PDZD2: variants seen among roughly 807,000 people sequenced by gnomAD.
PDZD2 encodes the protein PDZ domain containing 2, also known as PDZ domain-containing protein 2.
PDZD2 carries 90 observed loss-of-function variants against 220.7 expected under a neutral mutation model. That is an observed-to-expected ratio of 0.41 (90% CI 0.34 to 0.49). The LOEUF (loss-of-function observed/expected upper bound fraction) is 0.49, where lower values mean the gene tolerates loss of function less well. Among genes scored for constraint, PDZD2 ranks in the 20% least tolerant of loss-of-function variants. The probability of loss-of-function intolerance (pLI) is 0.28; values close to 1 mark genes in which losing one functional copy is unlikely to be tolerated. For missense variants in PDZD2, 3,174 were observed against 3,608.5 expected (o/e 0.88, Z 3.08); for synonymous variants, 1,375 against 1,450.5 (o/e 0.95, Z 1.18).
intron 10 of PDZD2, among the ~76,000 whole-genome samples, chr5:32,057,132 T>C (rs2112325798): frequency 6.6e-6 from 1 of 152,114 alleles, no homozygotes; most frequent in African/African-American, 2.4e-5. Context: ...AAAAAAAGAC[T>C]GTTTCTGGGC....
rs149295066 is a variant in PDZD2, at chr5:31,693,901, G to A, written c.-361+54464G>A. The stretch of plus-strand genomic sequence containing the variant: ...ATTTCTCACCTGGAAAATGAGACAT[G>A]AGAGAACTAACTCCTTCCTGCTTCC... On this transcript the variant is annotated intron_variant, in intron 1 of 24. Transcript: ENST00000438447. 6.4e-3 allele frequency among the ~76,000 whole-genome samples: 968 copies of A among 152,270 alleles called. 5 individuals carry two copies. The highest frequency in any genetic ancestry group is 0.014 in the Admixed American group (219 of 15,292).
intron 2 of PDZD2, among the ~76,000 whole-genome samples, chr5:31,904,976 T>C (rs1489244455): frequency 2.0e-5 from 3 of 151,738 alleles, no homozygotes; most frequent in African/African-American, 7.3e-5. Flanking sequence ...GTTTTGTTCT[T>C]TTGCTTTTTG....
intron 2 of PDZD2, among the ~76,000 whole-genome samples, chr5:31,834,740 G>A (rs548857522): frequency 6.6e-6 from 1 of 151,606 alleles, no homozygotes; most frequent in Non-Finnish European, 1.5e-5. Context: ...GTTGTGGGGT[G>A]GGGGGAAGGG....
At chr5:31,803,101 A>AT (rs35101679) in intron 2 of PDZD2, among the ~76,000 whole-genome samples, 2,190 of 140,612 alleles carry the variant, frequency 0.016, 27 homozygotes, top group Non-Finnish European at 0.024. Context: ...ATTTTATTTT[A>AT]TTTTTTTTTT....
Position 31,990,687 on chromosome 5 carries a change from G to A in PDZD2, c.979-4889G>A, listed in dbSNP as rs543474390. On this transcript the variant is annotated intron_variant, in intron 3 of 24. Coordinates refer to ENST00000438447, the MANE Select transcript of PDZD2 (RefSeq NM_178140.4). ...AGTGCTATTTATGGGATATTATAAT[G>A]TGGTAGACACTGTTCTAATTGCTAG... Among the ~76,000 whole-genome samples the A allele has an allele frequency of 3.9e-4, 60 of 152,312 alleles. 1 individual carries two copies. The highest frequency in any genetic ancestry group is 6.5e-4 in the African/African-American group (27 of 41,574).
chr5:31,764,930 C>T (rs990975662), intron 1 of PDZD2, among the ~76,000 whole-genome samples: 2 of 152,068 alleles, frequency 1.3e-5, no homozygotes, highest in African/African-American at 4.8e-5. Flanking sequence ...TACAAAAACT[C>T]TCTGGGCGTG....
chr5:31,920,520 AAAAAG>A (rs756190019), intron 2 of PDZD2, among the ~76,000 whole-genome samples: 1 of 96,016 alleles, frequency 1.0e-5, no homozygotes, highest in Non-Finnish European at 2.3e-5. Context: ...AAAAAAAAAA[AAAAAG>A]TCCAGGCACT....
At chr5:31,666,965 G>A (rs551275995) in intron 1 of PDZD2, among the ~76,000 whole-genome samples, 25 of 151,894 alleles carry the variant, frequency 1.6e-4, no homozygotes, top group African/African-American at 5.5e-4. Context: ...AGCCAGGCGC[G>A]GTGGCTCACG....
Position 32,090,943 on chromosome 5 carries a change from G to A in PDZD2, c.7495G>A (p.Glu2499Lys), listed in dbSNP as rs146545649. The A allele has an allele frequency of 5.3e-4, 854 of 1,613,966 alleles. No individual in the cohort carries two copies. The highest frequency in any genetic ancestry group is 6.6e-4 in the Non-Finnish European group (774 of 1,180,016). ...GCCTGACCTTGACAAGCTCTGCAGC[G>A]AGGATTACTCAGCAGGGCCGAGCGC... ...SMPDLDKLCS[E>K]DYSAGPSAVL... The change falls in exon 20 of 25, where the codon GAG (glutamate) becomes AAG (lysine). Residue 2499 changes from glutamate to lysine, a missense_variant. By Grantham distance (56) the Glu-to-Lys change is moderately conservative (BLOSUM62 1). Transcript: ENST00000438447. This position sits in a 1 kb window ranked among gnomAD's most constrained non-coding sequence, Gnocchi z 4.3.
At chr5:32,017,798 G>A (rs1032503446) in intron 6 of PDZD2, among the ~76,000 whole-genome samples, 5 of 152,190 alleles carry the variant, frequency 3.3e-5, no homozygotes, top group African/African-American at 1.2e-4. Context: ...GGGGGAGTTG[G>A]TGAAGAAATA....
intron 6 of PDZD2, among the ~76,000 whole-genome samples, chr5:32,022,633 T>C (rs2112146603): frequency 6.6e-6 from 1 of 152,164 alleles, no homozygotes; most frequent in Non-Finnish European, 1.5e-5. Flanking sequence ...ATGGGTGGCA[T>C]TTGACTATTC....
intron 6 of PDZD2, among the ~76,000 whole-genome samples, chr5:32,027,692 C>A (rs186345122): frequency 6.6e-6 from 1 of 152,284 alleles, no homozygotes; most frequent in African/African-American, 2.4e-5. Context: ...TGGAAAGCAG[C>A]GGGTCGAGTG....
chr5:31,988,679 C>T (rs1449530299), intron 3 of PDZD2, among the ~76,000 whole-genome samples: 1 of 151,918 alleles, frequency 6.6e-6, no homozygotes, highest in African/African-American at 2.4e-5. Context: ...GGTAACTAAC[C>T]CCCGTCTGGA....
In PDZD2 at chr5:31,896,344, G is replaced by GTC. The variant is rs1371351744; in HGVS notation, c.477-86810_477-86809insCT. Among the ~76,000 whole-genome samples, 60 of 150,880 alleles carry GTC rather than the reference G, an allele frequency of 4.0e-4. 1 individual carries two copies. Among genetic ancestry groups the GTC allele is most frequent in the Non-Finnish European group, 6.3e-4 (43 of 67,730 alleles). On this transcript the variant is annotated intron_variant, in intron 2 of 24. Coordinates refer to ENST00000438447, the MANE Select transcript of PDZD2 (RefSeq NM_178140.4). ...CTCTCGTGTGTGTGTGTGTGTGTGT[G>GTC]TGTGTGTGTGTGTGTGTGTGTGTAT...
intron 2 of PDZD2, among the ~76,000 whole-genome samples, chr5:31,982,394 G>A (rs1750369494): frequency 6.6e-6 from 1 of 152,156 alleles, no homozygotes; most frequent in Non-Finnish European, 1.5e-5. Flanking sequence ...TGCAGCCTCT[G>A]TCTCCCAGGC....
intron 1 of PDZD2, chr5:31,725,499 C>A: frequency 1.6e-6 from 2 of 1,245,750 alleles, no homozygotes; most frequent in East Asian, 2.5e-5. Flanking sequence ...ATGAATGATC[C>A]ATGTCTAAAA....
At chr5:31,957,635 C>T (rs1039690303) in intron 2 of PDZD2, among the ~76,000 whole-genome samples, 2 of 152,160 alleles carry the variant, frequency 1.3e-5, no homozygotes, top group African/African-American at 4.8e-5. Flanking sequence ...ATTATATGGC[C>T]TTAAGTGGTT....
At chr5:31,880,780 C>G (rs377079416) in intron 2 of PDZD2, among the ~76,000 whole-genome samples, 3 of 42,774 alleles carry the variant, frequency 7.0e-5, no homozygotes, top group African/African-American at 1.8e-4. Context: ...AGGTAGCTTT[C>G]TTTTTTTTTT....
At chr5:31,999,272 C>T (rs1751901585) in intron 4 of PDZD2, among the ~76,000 whole-genome samples, 2 of 101,560 alleles carry the variant, frequency 2.0e-5, no homozygotes, top group South Asian at 8.1e-4. Flanking sequence ...GGGCGGGTGG[C>T]GGGATTTGTT....
Sources: gnomAD v4.1 joint callset for allele counts (sites outside exome capture counted in the v4.1 genomes callset) on GRCh38, gnomAD v4.1.1 for gene constraint, Gnocchi (gnomAD v3.1) non-coding constraint, MANE v1.5 for transcripts, NCBI Gene and HGNC (gene_info 2026-07-23, HGNC 2026-07-21) for gene names.